Variants in ZMYND11 observed in about 807,000 individuals in gnomAD.
ZMYND11 encodes zinc finger MYND-type containing 11.
ZMYND11 carries 9 observed loss-of-function variants against 84.9 expected under a neutral mutation model. The observed-to-expected ratio is 0.11, with a 90% CI of 0.06 to 0.18. The LOEUF (loss-of-function observed/expected upper bound fraction) is 0.18. Ranked by LOEUF, ZMYND11 falls within the 10% of genes least tolerant of loss-of-function variation. The pLI, the probability that ZMYND11 is intolerant of heterozygous loss-of-function variation, is 1.00. For synonymous variants in ZMYND11, 250 were observed against 244.1 expected (o/e 1.02, Z -0.23); for missense variants, 409 against 761.0 (o/e 0.54, Z 5.44).
chr10:217,421 G>T (rs1227738599), intron 3 of ZMYND11, among the ~76,000 whole-genome samples: 1 of 151,848 alleles, frequency 6.6e-6, no homozygotes, highest in Non-Finnish European at 1.5e-5. Flanking sequence ...TACTTGGGAA[G>T]CTGAGGCGCA....
At chr10:249,551 T>A (rs1049539929) in intron 14 of ZMYND11, 4 of 984,924 alleles carry the variant, frequency 4.1e-6, no homozygotes, top group Non-Finnish European at 2.4e-6. Flanking sequence ...TACTTTATAG[T>A]AGTGACATCT....
At chr10:176,678 CAAAT>C (rs1459167661) in intron 1 of ZMYND11, among the ~76,000 whole-genome samples, 1 of 152,012 alleles carries the variant, frequency 6.6e-6, no homozygotes, top group Non-Finnish European at 1.5e-5. Context: ...GATGTATAAA[CAAAT>C]TGATATTAGA....
intron 1 of ZMYND11, among the ~76,000 whole-genome samples, chr10:147,328 G>T (rs1554755652): frequency 6.6e-6 from 1 of 152,066 alleles, no homozygotes; most frequent in East Asian, 1.9e-4. Flanking sequence ...TCTTGTTCCA[G>T]TTCTTAGGGG....
At chr10:207,465 AGTGTTCCT>A (rs1944405458) in intron 2 of ZMYND11, among the ~76,000 whole-genome samples, 5 of 152,184 alleles carry the variant, frequency 3.3e-5, no homozygotes, top group Admixed American at 3.3e-4. Flanking sequence ...ACAGTGTAAA[AGTGTTCCT>A]GTTTCTCCAC....
intron 4 of ZMYND11, among the ~76,000 whole-genome samples, chr10:226,318 C>T (rs1430694701): frequency 2.0e-5 from 3 of 152,126 alleles, no homozygotes; most frequent in African/African-American, 7.2e-5. Flanking sequence ...TGCTCTAATG[C>T]CTCATAAAAA....
Position 145,368 on chromosome 10 carries a change from GT to G in ZMYND11, c.-20+9810del, listed in dbSNP as rs1269173803. 5.3e-5 allele frequency among the ~76,000 whole-genome samples: 8 copies of G among 151,998 alleles called. No individual in the cohort carries two copies. The South Asian group carries it at 6.2e-4, about 12-fold the overall frequency. ...TGCCACAATAAACATATGCACGCAG[GT>G]GTCTTTTTGATGTAATGACTTCTTT... On this transcript the variant is annotated intron_variant, in intron 1 of 14. Coordinates refer to ENST00000381604, the MANE Select transcript of ZMYND11 (RefSeq NM_001370100.5).
intron 2 of ZMYND11, among the ~76,000 whole-genome samples, chr10:189,343 A>G (rs1334213539): frequency 6.6e-6 from 1 of 152,212 alleles, no homozygotes; most frequent in African/African-American, 2.4e-5. Flanking sequence ...GCTATGTCTC[A>G]CTGTCAATTT....
chr10:142,267 A>G (rs548529474), intron 1 of ZMYND11, among the ~76,000 whole-genome samples: 1 of 152,186 alleles, frequency 6.6e-6, no homozygotes, highest in African/African-American at 2.4e-5. Context: ...TGCCTGGCTA[A>G]TTTTTTGTAG....
intron 1 of ZMYND11, among the ~76,000 whole-genome samples, chr10:145,692 C>T (rs1838660810): frequency 6.6e-6 from 1 of 152,064 alleles, no homozygotes; most frequent in African/African-American, 2.4e-5. Flanking sequence ...ATTTGTATAT[C>T]TTTCTTTGAG....
At chr10:210,469 G>C (rs1945004696) in intron 3 of ZMYND11, among the ~76,000 whole-genome samples, 1 of 152,206 alleles carries the variant, frequency 6.6e-6, no homozygotes, top group African/African-American at 2.4e-5. Flanking sequence ...ACAGCCCAAA[G>C]GCAGGCTTCA....
intron 1 of ZMYND11, chr10:148,696 A>G (rs1324848006): frequency 6.6e-6 from 1 of 152,236 alleles, no homozygotes; most frequent in Non-Finnish European, 1.5e-5. Flanking sequence ...TTAGGGAGTG[A>G]CCAGGTAAGC....
At chr10:184,113 T>A (rs1470220145) in intron 2 of ZMYND11, among the ~76,000 whole-genome samples, 1 of 152,216 alleles carries the variant, frequency 6.6e-6, no homozygotes, top group African/African-American at 2.4e-5. Flanking sequence ...ACTTAACTCT[T>A]CTATCTAAAA....
chr10:134,623 AT>A (rs1835465218), upstream of ZMYND11: 1 of 152,152 alleles, frequency 6.6e-6, no homozygotes, highest in African/African-American at 2.4e-5. Flanking sequence ...TACCTAAACA[AT>A]GTTGTTAAGA....
chr10:243,853 A>G (rs908022026), intron 10 of ZMYND11, among the ~76,000 whole-genome samples: 3 of 152,216 alleles, frequency 2.0e-5, no homozygotes, highest in Admixed American at 6.5e-5. Flanking sequence ...CGACACAGTG[A>G]GACTCCGTCT....
intron 3 of ZMYND11, among the ~76,000 whole-genome samples, chr10:210,563 G>T (rs1022369374): frequency 6.6e-6 from 1 of 152,184 alleles, no homozygotes; most frequent in Non-Finnish European, 1.5e-5. Context: ...ACAATTGCAA[G>T]TTTTGTGTAC....
chr10:235,709 A>C (rs1589163306), intron 4 of ZMYND11, among the ~76,000 whole-genome samples: 1 of 152,238 alleles, frequency 6.6e-6, no homozygotes, highest in South Asian at 2.1e-4. Context: ...GGCACAGGCC[A>C]CAAAGCGGCA....
chr10:221,191 G>A lies in ZMYND11; in HGVS notation c.277-4G>A, dbSNP rs779342622. 1.7e-5 allele frequency: 27 copies of A among 1,611,640 alleles called. No individual in the cohort carries two copies. Among genetic ancestry groups the A allele is most frequent in the Admixed American group, 3.4e-5 (2 of 59,608 alleles). On this transcript the variant is annotated splice_polypyrimidine_tract_variant and splice_region_variant and intron_variant, in intron 3 of 14. Coordinates refer to ENST00000381604, the MANE Select transcript of ZMYND11 (RefSeq NM_001370100.5). ...ATACAAAACTATTTTGTACTTTTTT[G>A]TAGGACTGGGAAACAGAAAATCATG... is the stretch of plus-strand genomic sequence containing the variant.
intron 1 of ZMYND11, among the ~76,000 whole-genome samples, chr10:170,372 C>T (rs911113317): frequency 2.0e-5 from 3 of 151,642 alleles, no homozygotes; most frequent in Non-Finnish European, 2.9e-5. Context: ...ATTTTTTCTT[C>T]CTACTAACAG....
At chr10:134,761 CGCTCCCGGCTCCAGCGCGCCT>C (rs1436677895), upstream of ZMYND11, 1 of 152,780 alleles carries the variant, frequency 6.5e-6, no homozygotes, top group East Asian at 1.9e-4. Context: ...CCTCGGCGCC[CGCTCCCGGCTCCAGCGCGCCT>C]GCACGTACGT....
Sources: gnomAD v4.1 joint callset for allele counts (sites outside exome capture counted in the v4.1 genomes callset) on GRCh38, gnomAD v4.1.1 for gene constraint, MANE v1.5 for transcripts, NCBI Gene and HGNC (gene_info 2026-07-23, HGNC 2026-07-21) for gene names.